The following KCNH1 variants were observed in gnomAD, a reference collection of about 807,000 sequenced individuals.
The protein encoded by KCNH1 is voltage-gated delayed rectifier potassium channel KCNH1.
In KCNH1, 27 loss-of-function variants were observed where a neutral mutation model predicts 69.2. That is an observed-to-expected ratio of 0.39 (90% CI 0.29 to 0.54). The LOEUF is 0.54. Among genes scored for constraint, KCNH1 ranks in the 20% least tolerant of loss-of-function variants. KCNH1 has a pLI of 0.68. For missense variants in KCNH1, 798 were observed against 1,261.6 expected, an observed-to-expected ratio of 0.63 and a Z score of 5.57; for synonymous variants, 456 against 487.7, an observed-to-expected ratio of 0.93 and a Z score of 0.86.
intron 6 of KCNH1, among the ~76,000 whole-genome samples, chr1:210,938,252 G>A (rs866432230): frequency 6.6e-6 from 1 of 152,140 alleles, no homozygotes; most frequent in Non-Finnish European, 1.5e-5. Flanking sequence ...TATTCCAATA[G>A]GTAATTTTGC....
At chr1:210,829,598 C>T (rs1380304017) in intron 7 of KCNH1, among the ~76,000 whole-genome samples, 2 of 152,202 alleles carry the variant, frequency 1.3e-5, no homozygotes, top group Non-Finnish European at 2.9e-5. Flanking sequence ...AGCATCCTTG[C>T]TGTTACCTAA....
intron 7 of KCNH1, among the ~76,000 whole-genome samples, chr1:210,889,457 G>A (rs1412238915): frequency 6.6e-6 from 1 of 152,190 alleles, no homozygotes; most frequent in Non-Finnish European, 1.5e-5. Context: ...CCTACTGAAT[G>A]GGCAGAAGCC....
Position 211,090,625 on chromosome 1 carries a change from A to C in KCNH1, c.376T>G (p.Phe126Val). 2 of 1,610,610 alleles carry C rather than the reference A, an allele frequency of 1.2e-6. No homozygotes were observed. Among genetic ancestry groups the C allele is most frequent in the Non-Finnish European group, 1.7e-6 (2 of 1,179,318 alleles). ...IRNEQDKVVL[F>V]LCTFSDITAF... ...GTTATGTCACTGAAAGTGCAAAGAA[A>C]TAAAACCACTTTATCCTGTTCGTTT... Residue 126 changes from phenylalanine (F) to valine (V), a missense_variant, in exon 4 of 11, where the codon TTT becomes GTT. Transcript: ENST00000271751.
intron 7 of KCNH1, among the ~76,000 whole-genome samples, chr1:210,873,107 A>G (rs1686287373): frequency 6.6e-6 from 1 of 151,938 alleles, no homozygotes; most frequent in Admixed American, 6.6e-5. Context: ...CTGAACTATC[A>G]TTTTTCATTT....
intron 6 of KCNH1, among the ~76,000 whole-genome samples, chr1:210,983,601 T>C (rs1688760716): frequency 6.6e-6 from 1 of 152,242 alleles, no homozygotes; most frequent in South Asian, 2.1e-4. Flanking sequence ...GCATTATTTC[T>C]GAGGGCTCTG....
chr1:210,841,147 C>T (rs946546614), intron 7 of KCNH1, among the ~76,000 whole-genome samples: 4 of 152,182 alleles, frequency 2.6e-5, no homozygotes, highest in South Asian at 4.1e-4. Context: ...CTGTTAAATA[C>T]CCTTTAACTA....
chr1:210,760,615 G>T (rs1212097572), intron 10 of KCNH1, among the ~76,000 whole-genome samples: 1 of 152,186 alleles, frequency 6.6e-6, no homozygotes, highest in Non-Finnish European at 1.5e-5. Flanking sequence ...CTGAGACTGG[G>T]CAATTTACAA....
At chr1:211,027,974 C>T (rs1450306591) in intron 5 of KCNH1, among the ~76,000 whole-genome samples, 1 of 152,094 alleles carries the variant, frequency 6.6e-6, no homozygotes, top group Non-Finnish European at 1.5e-5. Context: ...TCAACAATAG[C>T]ATCAAACAAT....
chr1:210,768,181 G>A (rs1683677870), intron 10 of KCNH1, among the ~76,000 whole-genome samples: 1 of 152,126 alleles, frequency 6.6e-6, no homozygotes, highest in Admixed American at 6.5e-5. Flanking sequence ...ACATTTGATT[G>A]ATTTTATTGT....
chr1:210,982,887 A>C (rs995698394), intron 6 of KCNH1, among the ~76,000 whole-genome samples: 2 of 152,092 alleles, frequency 1.3e-5, no homozygotes, highest in East Asian at 1.9e-4. Flanking sequence ...GTCCCACCAA[A>C]AGTGTAAAAG....
chr1:210,927,972 C>T (rs2102572014), intron 6 of KCNH1, among the ~76,000 whole-genome samples: 1 of 152,056 alleles, frequency 6.6e-6, no homozygotes, highest in East Asian at 1.9e-4. Context: ...AAAGGGGGCA[C>T]CACATAATGA....
chr1:211,097,459 T>C (rs1691178070), intron 3 of KCNH1, among the ~76,000 whole-genome samples: 1 of 152,124 alleles, frequency 6.6e-6, no homozygotes, highest in South Asian at 2.1e-4. Context: ...TTTAAAAAGT[T>C]AAAAGAAAAA....
chr1:210,977,445 T>A (rs934353534), intron 6 of KCNH1, among the ~76,000 whole-genome samples: 13 of 146,554 alleles, frequency 8.9e-5, no homozygotes, highest in Admixed American at 2.7e-4. Flanking sequence ...AAGTATAATT[T>A]AAAAAAAAAA....
At chr1:211,074,613 C>G (rs1690700952) in intron 5 of KCNH1, among the ~76,000 whole-genome samples, 1 of 152,120 alleles carries the variant, frequency 6.6e-6, no homozygotes, top group Admixed American at 6.6e-5. Flanking sequence ...TTCTATGTAT[C>G]AACTTGGCTA....
intron 6 of KCNH1, among the ~76,000 whole-genome samples, chr1:211,000,662 C>A (rs1689157930): frequency 2.0e-5 from 3 of 152,166 alleles, no homozygotes; most frequent in Admixed American, 2.0e-4. Flanking sequence ...GAAAAAACTA[C>A]TTTAAAGTTG....
chr1:211,040,105 G>T (rs1044262720), intron 5 of KCNH1, among the ~76,000 whole-genome samples: 4 of 151,868 alleles, frequency 2.6e-5, no homozygotes, highest in African/African-American at 9.7e-5. Context: ...GCAGGAGAAT[G>T]GCGTGAACCT....
At chr1:211,022,717 G>GA (rs1454542791) in intron 5 of KCNH1, among the ~76,000 whole-genome samples, 2 of 152,004 alleles carry the variant, frequency 1.3e-5, no homozygotes, top group Non-Finnish European at 2.9e-5. Context: ...ACAGGGATAT[G>GA]AAAAAATGCT....
chr1:210,945,343 T>C (rs549568763), intron 6 of KCNH1, among the ~76,000 whole-genome samples: 4 of 152,344 alleles, frequency 2.6e-5, no homozygotes, highest in African/African-American at 9.6e-5. Context: ...CATGACCTCA[T>C]TTAATTCTCA....
At chr1:211,077,778 T>C (rs934284260) in intron 5 of KCNH1, among the ~76,000 whole-genome samples, 2 of 152,054 alleles carry the variant, frequency 1.3e-5, no homozygotes, top group Admixed American at 6.5e-5. Flanking sequence ...TAAAAGTAAA[T>C]GGGCAAAATG....
Sources: allele counts gnomAD v4.1 joint callset (sites outside exome capture counted in the v4.1 genomes callset), GRCh38; gene constraint gnomAD v4.1.1; transcripts MANE v1.5; gene names NCBI Gene and HGNC (gene_info 2026-07-23, HGNC 2026-07-21).